The following KAZN variants were observed in gnomAD, a reference collection of about 807,000 sequenced individuals.
KAZN encodes the protein kazrin.
Under a neutral mutation model 87.4 loss-of-function variants are expected in KAZN, and 40 were observed. That is an observed-to-expected ratio of 0.46 (90% CI 0.36 to 0.60). KAZN has a LOEUF of 0.60. KAZN is among the 20% of genes least tolerant of loss of function. The pLI, the probability that KAZN is intolerant of heterozygous loss-of-function variation, is 0.00. For missense variants in KAZN, 898 were observed against 1,073.9 expected (o/e 0.84, Z 2.29); for synonymous variants, 466 against 458.3 (o/e 1.02, Z -0.22).
At chr1:14,078,680 G>A (rs1323947566) in intron 1 of KAZN, among the ~76,000 whole-genome samples, 1 of 151,988 alleles carries the variant, frequency 6.6e-6, no homozygotes, top group Non-Finnish European at 1.5e-5. Context: ...AGCTCTCTGG[G>A]GCCTCTCTTT....
intron 2 of KAZN, among the ~76,000 whole-genome samples, chr1:15,020,994 C>T (rs1423405103): frequency 6.6e-6 from 1 of 152,142 alleles, no homozygotes; most frequent in East Asian, 1.9e-4. Context: ...CTGCATCTGC[C>T]TTCAACAACC....
chr1:14,005,756 G>T (rs1360245518), intron 1 of KAZN, among the ~76,000 whole-genome samples: 1 of 152,102 alleles, frequency 6.6e-6, no homozygotes, highest in Non-Finnish European at 1.5e-5. Context: ...CTTTAGGAAG[G>T]GGCAGGAATG....
chr1:14,478,979 T>C (rs1219452190), intron 2 of KAZN, among the ~76,000 whole-genome samples: 1 of 152,238 alleles, frequency 6.6e-6, no homozygotes, highest in Non-Finnish European at 1.5e-5. Flanking sequence ...GTTGTTGTTA[T>C]GGGCAACTGG....
chr1:14,265,547 G>T (rs1372276516), intron 2 of KAZN, among the ~76,000 whole-genome samples: 1 of 152,208 alleles, frequency 6.6e-6, no homozygotes, highest in African/African-American at 2.4e-5. Flanking sequence ...GTGTCATCTG[G>T]CATGCTTAGC....
chr1:15,101,889 C>T, intron 11 of KAZN, 115 bp downstream of exon 11: 1 of 688,458 alleles, frequency 1.5e-6, no homozygotes, highest in Non-Finnish European at 2.6e-6. Context: ...GTCCACCCAT[C>T]CATCCATCAT....
At chr1:14,608,925 A>G (rs1368302877) in intron 1 of KAZN, among the ~76,000 whole-genome samples, 1 of 152,042 alleles carries the variant, frequency 6.6e-6, no homozygotes, top group Non-Finnish European at 1.5e-5. Context: ...AGTGGGATTA[A>G]TGTCATCTCT....
chr1:13,973,556 C>G (rs1338449715), intron 1 of KAZN, among the ~76,000 whole-genome samples: 19 of 152,236 alleles, frequency 1.2e-4, no homozygotes. Flanking sequence ...TAACAACTCC[C>G]TCAACTTGCC....
rs1676703563 is a variant in KAZN, at chr1:14,598,866, G to A, written c.-132G>A. Reference sequence around the variant, plus strand: ...GGAGGAACCGGCGCTGCCGGTGCCTGGGGGTCGGGGCGCGGGCGAAGCCGG... The same window carrying A: ...GGAGGAACCGGCGCTGCCGGTGCCTAGGGGTCGGGGCGCGGGCGAAGCCGG... On this transcript the variant is annotated 5_prime_UTR_variant, in exon 1 of 15. Coordinates refer to ENST00000376030, the MANE Select transcript of KAZN (RefSeq NM_201628.3). This position sits in a 1 kb window ranked among gnomAD's most constrained non-coding sequence, Gnocchi z 4.2. The A allele has an allele frequency of 6.9e-7, 1 of 1,442,552 alleles. No homozygotes were observed. Among genetic ancestry groups the A allele is most frequent in the Non-Finnish European group, 9.0e-7 (1 of 1,105,460 alleles). The allele number at this position is 1,442,552 out of a possible 1,614,324, so 89.4% of individuals were successfully genotyped here.
intron 1 of KAZN, among the ~76,000 whole-genome samples, chr1:14,079,028 C>T (rs574623764): frequency 9.2e-5 from 14 of 152,234 alleles, no homozygotes; most frequent in South Asian, 4.1e-4. Context: ...GTCCATTTTG[C>T]GTTGCTGTAA....
chr1:14,514,020 C>A (rs1195026555), intron 2 of KAZN, among the ~76,000 whole-genome samples: 1 of 150,946 alleles, frequency 6.6e-6, no homozygotes, highest in African/African-American at 2.4e-5. Flanking sequence ...CCAGCTGAGC[C>A]GAAAAAAAAT....
At chr1:14,382,876 T>C (rs978168297) in intron 2 of KAZN, among the ~76,000 whole-genome samples, 2 of 152,032 alleles carry the variant, frequency 1.3e-5, no homozygotes, top group African/African-American at 4.8e-5. Context: ...TAGTTCTAGA[T>C]CCCTGAGAAA....
intron 8 of KAZN, among the ~76,000 whole-genome samples, chr1:15,089,968 C>T (rs769447940): frequency 7.2e-5 from 11 of 152,136 alleles, no homozygotes; most frequent in Non-Finnish European, 1.5e-4. Context: ...CTCAAACATG[C>T]AAGCATGAGT....
chr1:14,916,263 G>A (rs985703092), intron 1 of KAZN, among the ~76,000 whole-genome samples: 5 of 139,348 alleles, frequency 3.6e-5, no homozygotes, highest in South Asian at 4.9e-4. Flanking sequence ...TCCACCTCCC[G>A]GGTTCAAGCG....
intron 1 of KAZN, among the ~76,000 whole-genome samples, chr1:14,823,621 A>G (rs1311017756): frequency 6.6e-6 from 1 of 152,138 alleles, no homozygotes; most frequent in Non-Finnish European, 1.5e-5. Flanking sequence ...TCCCACCAAA[A>G]TGCCAGCTGT....
chr1:13,982,808 G>C (rs1261792739), intron 1 of KAZN, among the ~76,000 whole-genome samples: 1 of 152,102 alleles, frequency 6.6e-6, no homozygotes, highest in Non-Finnish European at 1.5e-5. Flanking sequence ...CCCTGAGCTA[G>C]ACACAGGGTG....
chr1:14,900,076 C>G (rs891466579), intron 1 of KAZN, among the ~76,000 whole-genome samples: 2 of 152,222 alleles, frequency 1.3e-5, no homozygotes, highest in African/African-American at 2.4e-5. Flanking sequence ...GCCCAGGAGG[C>G]AGAACCTGGT....
intron 2 of KAZN, among the ~76,000 whole-genome samples, chr1:15,001,774 G>A (rs966417316): frequency 4.0e-5 from 6 of 151,780 alleles, no homozygotes; most frequent in African/African-American, 1.2e-4. Context: ...TGTTCAGAAG[G>A]TTCGTGAGGA....
chr1:14,959,142 C>T (rs545017376), intron 1 of KAZN, among the ~76,000 whole-genome samples: 257 of 152,284 alleles, frequency 1.7e-3, no homozygotes, highest in African/African-American at 6.0e-3. Flanking sequence ...GCTGAGCTTC[C>T]GCCATAGCAG....
At chr1:14,346,129 A>T (rs141376821) in intron 2 of KAZN, among the ~76,000 whole-genome samples, 1 of 152,330 alleles carries the variant, frequency 6.6e-6, no homozygotes, top group African/African-American at 2.4e-5. Flanking sequence ...TTCATCGTCC[A>T]GGCAGACTTT....
Sources: allele counts gnomAD v4.1 joint callset (sites outside exome capture counted in the v4.1 genomes callset), GRCh38; gene constraint gnomAD v4.1.1; non-coding constraint Gnocchi (gnomAD v3.1); transcripts MANE v1.5; gene names NCBI Gene and HGNC (gene_info 2026-07-23, HGNC 2026-07-21).